The following MCM10 variants were observed in gnomAD, a reference collection of about 807,000 sequenced individuals.
MCM10 encodes minichromosome maintenance 10 replication initiation factor, also known as protein MCM10 homolog.
Under a neutral mutation model 109.9 loss-of-function variants are expected in MCM10, and 91 were observed. That is an observed-to-expected ratio of 0.83 (90% CI 0.70 to 0.99). The LOEUF is 0.99. MCM10 is among the 50% of genes least tolerant of loss of function. The probability of loss-of-function intolerance (pLI) is 0.00; values close to 1 mark genes in which losing one functional copy is unlikely to be tolerated. For synonymous variants in MCM10, 380 were observed against 387.2 expected (o/e 0.98, Z 0.22); for missense variants, 1,077 against 1,061.2 (o/e 1.01, Z -0.21).
chr10:13,191,388 G>C lies in MCM10; in HGVS notation c.1505G>C (p.Arg502Pro). ...KGTNLIIQETRQKLGIPQKSL... is the reference protein window; with the variant it reads ...KGTNLIIQETPQKLGIPQKSL... ...ACAAACTTGATCATCCAGGAAACAC[G>C]GCAAAAACTCGGTAACTTTGTTTTT... The change falls in exon 11 of 20, where the codon CGG becomes CCG. Residue 502 changes from arginine (R) to proline (P), a missense_variant. By Grantham distance (103) the Arg-to-Pro change is moderately radical. Coordinates refer to ENST00000378714, the MANE Select transcript of MCM10 (RefSeq NM_018518.5). 2 of 1,613,604 alleles carry C rather than the reference G, an allele frequency of 1.2e-6. No individual in the cohort carries two copies. The highest frequency in any genetic ancestry group is 8.5e-7 in the Non-Finnish European group (1 of 1,179,672).
intron 18 of MCM10, among the ~76,000 whole-genome samples, chr10:13,206,952 G>A (rs186825629): frequency 8.5e-5 from 13 of 152,212 alleles, no homozygotes; most frequent in Admixed American, 7.2e-4. Context: ...CTACAGGTGT[G>A]CACCACTACA....
intron 17 of MCM10, 122 bp from the exon 18 acceptor site, chr10:13,204,097 G>T (rs1360275500): frequency 1.2e-5 from 14 of 1,208,542 alleles, no homozygotes; most frequent in Non-Finnish European, 1.6e-5. Flanking sequence ...CAGTCCCCTA[G>T]CAAGGGCCCA....
intron 6 of MCM10, among the ~76,000 whole-genome samples, chr10:13,180,033 C>T (rs1158306140): frequency 5.3e-5 from 8 of 152,260 alleles, no homozygotes; most frequent in African/African-American, 7.2e-5. Flanking sequence ...GCGAGCAGAT[C>T]GCTTGAGGCC....
chr10:13,206,723 G>A (rs899817573), intron 18 of MCM10, among the ~76,000 whole-genome samples: 3 of 151,558 alleles, frequency 2.0e-5, no homozygotes, highest in Non-Finnish European at 4.4e-5. Flanking sequence ...CAAATGGAAG[G>A]GCATGATGCC....
At chr10:13,206,004 C>T (rs543631086) in intron 18 of MCM10, among the ~76,000 whole-genome samples, 1 of 152,324 alleles carries the variant, frequency 6.6e-6, no homozygotes, top group African/African-American at 2.4e-5. Context: ...CCAGTGCCCT[C>T]CCTGTTTCAT....
chr10:13,189,523 A>G (rs1421126379), intron 10 of MCM10, among the ~76,000 whole-genome samples: 1 of 152,158 alleles, frequency 6.6e-6, no homozygotes, highest in Non-Finnish European at 1.5e-5. Context: ...GGGTTTCACC[A>G]TGATGGCCAG....
rs200918896 is a variant in MCM10, at chr10:13,180,619, T to C, written c.930+12T>C. 4 of 1,613,108 alleles carry C rather than the reference T, an allele frequency of 2.5e-6. No individual in the cohort carries two copies. Among genetic ancestry groups the C allele is most frequent in the Non-Finnish European group, 3.4e-6 (4 of 1,179,754 alleles). On this transcript the variant is annotated intron_variant, in intron 7 of 19. Transcript: ENST00000378714. ...AGAGTGTGAATAGTGTAAGCCATTG[T>C]ATTGGTTTCTTAGCTGTTTTACTAC... is the stretch of plus-strand genomic sequence containing the variant.
intron 6 of MCM10, among the ~76,000 whole-genome samples, chr10:13,178,640 C>G (rs7090451): frequency 0.77 from 116,611 of 152,150 alleles, 45,007 homozygotes; most frequent in Non-Finnish European, 0.81. Flanking sequence ...GTCAGGTAAT[C>G]TGATTCCTCC....
chr10:13,171,061 C>T lies in MCM10; in HGVS notation c.147C>T (p.Asp49=). 1.9e-6 allele frequency: 3 copies of T among 1,614,148 alleles called. No homozygotes were observed. Among genetic ancestry groups the T allele is most frequent in the Non-Finnish European group, 2.5e-6 (3 of 1,180,044 alleles). The part of the protein sequence containing the change: ...PDAFDELFDA[D]GDGESYTEEA... ...CATTTGATGAGCTCTTTGATGCCGA[C>T]GGCGACGGTGAATCTTATACAGAAG... is the stretch of plus-strand genomic sequence containing the variant. The change falls in exon 3 of 20, where the codon GAC becomes GAT. Residue 49 remains aspartate, a synonymous_variant. Transcript: ENST00000378714.
rs1490984441 is a variant in MCM10 at position 13,195,118 on chromosome 10, G to C, written c.1823G>C (p.Arg608Pro). The C allele has an allele frequency of 6.2e-7, 1 of 1,614,096 alleles. No homozygotes were observed. Among genetic ancestry groups the C allele is most frequent in the Non-Finnish European group, 8.5e-7 (1 of 1,180,012 alleles). ...SSRQPPAQPP[R>P]TGSEFPRLEG... The stretch of plus-strand genomic sequence containing the variant: ...AGACAGCCCCCTGCTCAGCCTCCAC[G>C]GACAGGATCCGAGTTCCCCAGGCTG... Residue 608 changes from arginine to proline, a missense_variant, in exon 14 of 20, where the codon CGG becomes CCG. Arg to Pro is a moderately radical substitution (Grantham distance 103). Coordinates refer to ENST00000378714, the MANE Select transcript of MCM10 (RefSeq NM_018518.5).
chr10:13,172,476 C>T lies in MCM10; in HGVS notation c.450C>T (p.Ser150=). 6.2e-7 allele frequency: 1 copy of T among 1,613,658 alleles called. No homozygotes were observed. The highest frequency in any genetic ancestry group is 1.1e-5 in the South Asian group (1 of 90,966). Residue 150 remains serine, a synonymous_variant, in exon 4 of 20, where the codon TCC becomes TCT. Transcript: ENST00000378714. This position sits in a 1 kb window ranked among gnomAD's most constrained non-coding sequence, Gnocchi z 5.2. ...CAAGCCCAGCCCGTCTGCAAAAATC[C>T]CCTGGTAAGAAGACTGTCATTCTGG... The part of the protein sequence containing the change: ...QTASPARLQK[S]PEKSPRPPLK...
intron 17 of MCM10, 27 bp from the exon 18 acceptor site, chr10:13,204,192 G>T: frequency 6.2e-7 from 1 of 1,606,070 alleles, no homozygotes; most frequent in Admixed American, 1.7e-5. Context: ...TTCACCGGCG[G>T]TGTGGGTTTT....
chr10:13,197,393 T>C (rs1184604150), intron 14 of MCM10, among the ~76,000 whole-genome samples: 2 of 152,212 alleles, frequency 1.3e-5, no homozygotes, highest in African/African-American at 4.8e-5. Context: ...GTCAAACTTG[T>C]TATATTTAAA....
Position 13,195,056 on chromosome 10 carries a change from A to C in MCM10, c.1761A>C (p.Ser587=). ...TTCTTTAAAGATTTCTGCAGAGCTC[A>C]AGTGAAGTTGAGAGCCCAGCTGTGC... ...EEIQKRFLQS[S]SEVESPAVPS... is the part of the protein sequence containing the mutation. Residue 587 remains serine (S), a synonymous_variant, in exon 14 of 20, where the codon TCA becomes TCC. Transcript: ENST00000378714. 1 of 1,613,836 alleles carries C rather than the reference A, an allele frequency of 6.2e-7. No individual in the cohort carries two copies. The highest frequency in any genetic ancestry group is 8.5e-7 in the Non-Finnish European group (1 of 1,179,852).
At chr10:13,198,030 A>G (rs1834446175) in intron 15 of MCM10, among the ~76,000 whole-genome samples, 1 of 151,510 alleles carries the variant, frequency 6.6e-6, no homozygotes, top group African/African-American at 2.4e-5. Context: ...CTCCTGCCTC[A>G]GCCTCACGAG....
In MCM10 at chr10:13,204,378, C is replaced by G; in HGVS notation, c.2498+14C>G. On this transcript the variant is annotated intron_variant, in intron 18 of 19. Coordinates refer to ENST00000378714, the MANE Select transcript of MCM10 (RefSeq NM_018518.5). ...CAAGCACTGCAGGTATGAGAATCAC[C>G]TGGAGCTCTTTGTCCCACGTGGGGA... The G allele has an allele frequency of 6.2e-7, 1 of 1,613,034 alleles. No individual in the cohort carries two copies. Among genetic ancestry groups the G allele is most frequent in the African/African-American group, 1.3e-5 (1 of 75,016 alleles).
chr10:13,206,567 A>C (rs1588482042), intron 18 of MCM10, among the ~76,000 whole-genome samples: 3 of 152,250 alleles, frequency 2.0e-5, no homozygotes, highest in Admixed American at 2.0e-4. Context: ...AATTTTTCAC[A>C]ATCTAGATTA....
rs191438629 is a variant in MCM10 at position 13,195,847 on chromosome 10, T to C, written c.1974+578T>C. ...CGAACTCCTGACCTCAAATGATCTG[T>C]CCACCTCGGCCTCCCAAAGTACTAG... is the stretch of plus-strand genomic sequence containing the variant. On this transcript the variant is annotated intron_variant, in intron 14 of 19. Coordinates refer to ENST00000378714, the MANE Select transcript of MCM10 (RefSeq NM_018518.5). Among the ~76,000 whole-genome samples the C allele has an allele frequency of 3.5e-3, 533 of 151,976 alleles. 2 individuals are homozygous for C. Among genetic ancestry groups the C allele is most frequent in the African/African-American group, 0.012 (505 of 41,452 alleles).
chr10:13,174,473 G>A lies in MCM10; in HGVS notation c.593-1037G>A, dbSNP rs138697382. 6.2e-3 allele frequency among the ~76,000 whole-genome samples: 939 copies of A among 152,218 alleles called. 5 individuals carry two copies. Among genetic ancestry groups the A allele is most frequent in the Non-Finnish European group, 9.5e-3 (643 of 68,014 alleles). On this transcript the variant is annotated intron_variant, in intron 5 of 19. Coordinates refer to ENST00000378714, the MANE Select transcript of MCM10 (RefSeq NM_018518.5). ...AATTACTCATTCTGAAGGAGGTCTT[G>A]TCCTCCCTTTGATAATCTGCGCCAG...
Sources: gnomAD v4.1 joint callset for allele counts (sites outside exome capture counted in the v4.1 genomes callset) on GRCh38, gnomAD v4.1.1 for gene constraint, Gnocchi (gnomAD v3.1) non-coding constraint, MANE v1.5 for transcripts, NCBI Gene and HGNC (gene_info 2026-07-23, HGNC 2026-07-21) for gene names.